The following EYS variants were observed in gnomAD, a reference collection of about 807,000 sequenced individuals.
EYS encodes the protein protein eyes shut homolog.
A neutral mutation model predicts 282.1 loss-of-function variants in EYS; 250 were observed. The ratio of observed to expected loss-of-function variants is 0.89; its 90% CI spans 0.80 to 0.98. The LOEUF is 0.98. Ranked by LOEUF, EYS falls within the 50% of genes least tolerant of loss-of-function variation. The pLI is 0.00. For synonymous variants in EYS, 1,355 were observed against 1,282.9 expected (o/e 1.06, Z -1.20); for missense variants, 4,016 against 3,709.0 (o/e 1.08, Z -2.15).
At position 65,147,392 on chromosome 6, in the gene EYS, G is replaced by A. The variant is rs1929723; in HGVS notation, c.2024-89665C>T. On this transcript the variant is annotated intron_variant, in intron 12 of 42. Coordinates refer to ENST00000503581, the MANE Select transcript of EYS (RefSeq NM_001142800.2). ...ACCAGAATATTTAGTTTATAAGAGG[G>A]ATATTAGAATTTTCGATGAAAATGT... 2.0e-5 allele frequency among the ~76,000 whole-genome samples: 3 copies of A among 151,944 alleles called. No homozygotes were observed. In the South Asian group the frequency reaches 6.2e-4, roughly 32 times the overall value.
intron 22 of EYS, among the ~76,000 whole-genome samples, chr6:64,653,055 A>G (rs1032735609): frequency 1.3e-5 from 2 of 152,164 alleles, no homozygotes; most frequent in African/African-American, 2.4e-5. Context: ...TGAAAGTAAG[A>G]TGGGGTTATT....
intron 19 of EYS, among the ~76,000 whole-genome samples, chr6:64,842,665 A>G (rs141580452): frequency 6.6e-6 from 1 of 152,082 alleles, no homozygotes; most frequent in African/African-American, 2.4e-5. Flanking sequence ...AGCAAAGGTG[A>G]CTCTTGCTAC....
intron 1 of EYS, among the ~76,000 whole-genome samples, chr6:65,670,094 C>A (rs1164752526): frequency 6.6e-6 from 1 of 152,038 alleles, no homozygotes; most frequent in Non-Finnish European, 1.5e-5. Flanking sequence ...TAACCCTGCA[C>A]CTTTCTGTTT....
intron 23 of EYS, among the ~76,000 whole-genome samples, chr6:64,622,944 T>C (rs956936649): frequency 2.0e-5 from 3 of 152,152 alleles, no homozygotes; most frequent in Non-Finnish European, 4.4e-5. Flanking sequence ...GAAAGCAAAT[T>C]GCTGTGAATT....
At chr6:65,016,494 A>G (rs1772056531) in intron 13 of EYS, among the ~76,000 whole-genome samples, 1 of 152,214 alleles carries the variant, frequency 6.6e-6, no homozygotes, top group Non-Finnish European at 1.5e-5. Context: ...GTTTAAAGTG[A>G]TAACAAAAAT....
At position 64,093,510 on chromosome 6, in the gene EYS, G is replaced by T. The variant is rs989721102; in HGVS notation, c.6425-11508C>A. Among the ~76,000 whole-genome samples the T allele has an allele frequency of 9.2e-5, 14 of 152,210 alleles. 1 individual carries two copies. Among genetic ancestry groups the T allele is most frequent in the African/African-American group, 3.4e-4 (14 of 41,530 alleles). On this transcript the variant is annotated intron_variant, in intron 31 of 42. Transcript: ENST00000503581. ...GATTCCTAGGTATTTTAGTCTCTTT[G>T]AAGCAATTGTGAATGGGAGTCCACT... is the stretch of plus-strand genomic sequence containing the variant.
intron 26 of EYS, among the ~76,000 whole-genome samples, chr6:64,541,843 G>A (rs1764702778): frequency 6.6e-6 from 1 of 152,098 alleles, no homozygotes; most frequent in African/African-American, 2.4e-5. Flanking sequence ...GAAGTGTTTT[G>A]TAGTTATAAA....
chr6:64,964,413 C>T (rs544429719), intron 14 of EYS, among the ~76,000 whole-genome samples: 1 of 152,088 alleles, frequency 6.6e-6, no homozygotes, highest in East Asian at 1.9e-4. Flanking sequence ...AATTATTAGA[C>T]TTTTTAGCTT....
intron 30 of EYS, among the ~76,000 whole-genome samples, chr6:64,303,835 C>T (rs571849194): frequency 3.7e-5 from 3 of 82,180 alleles, no homozygotes; most frequent in South Asian, 4.7e-4. Flanking sequence ...AGCGAAACTC[C>T]GTCTCAAAAA....
chr6:65,657,191 G>C lies in EYS; in HGVS notation c.-447-17299C>G, dbSNP rs147823909. 2.4e-3 allele frequency among the ~76,000 whole-genome samples: 357 copies of C among 151,888 alleles called. 3 individuals are homozygous for C. The highest frequency in any genetic ancestry group is 8.1e-3 in the African/African-American group (335 of 41,486). ...CTGGTCACTCAAGGGTTCTAACAGAGGTATACAATGGAGAAGCATGTTGCT... is the reference window on the plus strand; with the variant it reads ...CTGGTCACTCAAGGGTTCTAACAGACGTATACAATGGAGAAGCATGTTGCT... On this transcript the variant is annotated intron_variant, in intron 1 of 42. Coordinates refer to ENST00000503581, the MANE Select transcript of EYS (RefSeq NM_001142800.2).
intron 2 of EYS, among the ~76,000 whole-genome samples, chr6:65,611,045 C>A (rs1183891082): frequency 6.6e-6 from 1 of 151,944 alleles, no homozygotes; most frequent in South Asian, 2.1e-4. Context: ...GGCCTGTTGA[C>A]CCAAAGGGCA....
At chr6:65,213,526 ACAATATT>A (rs1365134889) in intron 12 of EYS, among the ~76,000 whole-genome samples, 1 of 152,130 alleles carries the variant, frequency 6.6e-6, no homozygotes, top group African/African-American at 2.4e-5. Flanking sequence ...GGCAATTCTC[ACAATATT>A]TCAAACTTTT....
intron 2 of EYS, among the ~76,000 whole-genome samples, chr6:65,534,701 AT>A (rs1176108242): frequency 2.6e-5 from 4 of 152,078 alleles, no homozygotes; most frequent in Non-Finnish European, 5.9e-5. Flanking sequence ...CAGCTTCTCC[AT>A]GGCAACAGCC....
At chr6:64,726,086 C>T (rs886948271) in intron 22 of EYS, among the ~76,000 whole-genome samples, 7 of 152,032 alleles carry the variant, frequency 4.6e-5, no homozygotes, top group African/African-American at 1.7e-4. Flanking sequence ...TTGTCTCCCT[C>T]ATTCTTTTCC....
At chr6:63,930,573 C>A (rs1344172839) in intron 35 of EYS, among the ~76,000 whole-genome samples, 1 of 151,910 alleles carries the variant, frequency 6.6e-6, no homozygotes, top group Non-Finnish European at 1.5e-5. Context: ...GTTTTTTTAA[C>A]TGATTACCAA....
chr6:65,370,921 A>G (rs534252785), intron 8 of EYS, among the ~76,000 whole-genome samples: 1 of 152,008 alleles, frequency 6.6e-6, no homozygotes, highest in East Asian at 1.9e-4. Context: ...TTTCAGCCTA[A>G]TCTAGTCTTC....
chr6:64,749,557 T>C (rs570922030), intron 22 of EYS, among the ~76,000 whole-genome samples: 1 of 152,322 alleles, frequency 6.6e-6, no homozygotes, highest in Admixed American at 6.5e-5. Context: ...TAAAACCATA[T>C]GAACTTCTTC....
intron 35 of EYS, among the ~76,000 whole-genome samples, chr6:63,944,801 G>A (rs746698940): frequency 6.6e-5 from 10 of 152,070 alleles, no homozygotes; most frequent in Non-Finnish European, 1.3e-4. Context: ...AGGCATGGTG[G>A]CACACACCTG....
At chr6:64,166,822 A>T (rs1764303914) in intron 31 of EYS, among the ~76,000 whole-genome samples, 1 of 152,240 alleles carries the variant, frequency 6.6e-6, no homozygotes, top group South Asian at 2.1e-4. Context: ...CTGTAAAAGT[A>T]GCTTGCTAAT....
Sources: gnomAD v4.1 joint callset for allele counts (sites outside exome capture counted in the v4.1 genomes callset) on GRCh38, gnomAD v4.1.1 for gene constraint, MANE v1.5 for transcripts, NCBI Gene and HGNC (gene_info 2026-07-23, HGNC 2026-07-21) for gene names.